Variants in KDM3B observed in about 807,000 individuals in gnomAD.
KDM3B encodes the protein lysine-specific demethylase 3B.
A neutral mutation model predicts 170.0 loss-of-function variants in KDM3B; 10 were observed. The observed-to-expected ratio is 0.06, with a 90% CI of 0.04 to 0.10. The LOEUF is 0.10. Among genes scored for constraint, KDM3B ranks in the 10% least tolerant of loss-of-function variants. The probability of loss-of-function intolerance (pLI) is 1.00; values close to 1 mark genes in which losing one functional copy is unlikely to be tolerated. For synonymous variants in KDM3B, 831 were observed against 834.8 expected (o/e 1.00, Z 0.08); for missense variants, 1,394 against 2,195.2 (o/e 0.64, Z 7.29).
chr5:138,405,625 G>A (rs1051911864), intron 11 of KDM3B, among the ~76,000 whole-genome samples: 6 of 152,122 alleles, frequency 3.9e-5, no homozygotes, highest in African/African-American at 1.4e-4. Context: ...TATTCAGGCA[G>A]AAGAAAATGA....
At chr5:138,357,802 C>T (rs1382733187) in intron 1 of KDM3B, among the ~76,000 whole-genome samples, 1 of 151,820 alleles carries the variant, frequency 6.6e-6, no homozygotes, top group Non-Finnish European at 1.5e-5. Context: ...TCACTGCAAC[C>T]TCTGCTTCCT....
intron 9 of KDM3B, among the ~76,000 whole-genome samples, chr5:138,393,912 T>C (rs1160603609): frequency 6.6e-6 from 1 of 152,092 alleles, no homozygotes; most frequent in Non-Finnish European, 1.5e-5. Context: ...GAGTGACCTT[T>C]CAAGAATCTT....
chr5:138,388,946 G>C (rs2126946613), intron 7 of KDM3B, among the ~76,000 whole-genome samples: 1 of 152,342 alleles, frequency 6.6e-6, no homozygotes, highest in South Asian at 2.1e-4. Context: ...CTTTTTATAA[G>C]AAAAGGATTT....
chr5:138,411,646 TTAGA>T (rs1237600276), intron 11 of KDM3B, among the ~76,000 whole-genome samples: 2 of 151,914 alleles, frequency 1.3e-5, no homozygotes, highest in African/African-American at 2.4e-5. Context: ...GAAATATTTC[TTAGA>T]TAGAACACAA....
intron 1 of KDM3B, 43 bp from the exon 2 acceptor site, chr5:138,372,631 T>G: frequency 6.4e-7 from 1 of 1,562,078 alleles, no homozygotes; most frequent in Non-Finnish European, 8.8e-7. Context: ...TAGTGTGAGA[T>G]TTTTCCAAGT....
rs900958839 is a variant in KDM3B, at chr5:138,427,024, C to T, written c.4461C>T (p.Asp1487=). The T allele has an allele frequency of 5.0e-6, 8 of 1,614,180 alleles. No homozygotes were observed. Among genetic ancestry groups the T allele is most frequent in the Non-Finnish European group, 6.8e-6 (8 of 1,180,002 alleles). ...DGQPMVLKLK[D]WPPGEDFRDM... ...AGCCAATGGTGCTCAAACTCAAGGA[C>T]TGGCCTCCTGGGGAAGATTTTCGAG... The change falls in exon 18 of 24, where the codon GAC becomes GAT. Residue 1487 remains aspartate, a synonymous_variant. Coordinates refer to ENST00000314358, the MANE Select transcript of KDM3B (RefSeq NM_016604.4).
At chr5:138,356,461 G>A (rs1470524166) in intron 1 of KDM3B, among the ~76,000 whole-genome samples, 2 of 151,886 alleles carry the variant, frequency 1.3e-5, no homozygotes, top group African/African-American at 2.4e-5. Flanking sequence ...ATGACTATTT[G>A]TCCTTTTTTT....
intron 1 of KDM3B, among the ~76,000 whole-genome samples, chr5:138,356,340 C>T (rs1033093232): frequency 1.3e-4 from 20 of 152,124 alleles, no homozygotes; most frequent in African/African-American, 4.6e-4. Flanking sequence ...TTCCTACTCC[C>T]ACCAACAGTA....
Position 138,386,282 on chromosome 5 carries a change from C to A in KDM3B, c.1041C>A (p.Val347=). 6.2e-7 allele frequency: 1 copy of A among 1,614,158 alleles called. No individual in the cohort carries two copies. The highest frequency in any genetic ancestry group is 8.5e-7 in the Non-Finnish European group (1 of 1,180,030). ...CCAAGCAGCCACCGTCTACATTTGT[C>A]CCCCAGATAAACCGCAACATTCGCT... The part of the protein sequence containing the change: ...QRAKQPPSTF[V]PQINRNIRFA... Residue 347 remains valine, a synonymous_variant, in exon 7 of 24, where the codon GTC becomes GTA. Coordinates refer to ENST00000314358, the MANE Select transcript of KDM3B (RefSeq NM_016604.4).
chr5:138,382,230 C>T (rs929067770), intron 6 of KDM3B, among the ~76,000 whole-genome samples: 2 of 151,952 alleles, frequency 1.3e-5, no homozygotes, highest in Non-Finnish European at 2.9e-5. Context: ...GGCGGATCAC[C>T]TGAGGTCAGG....
intron 11 of KDM3B, among the ~76,000 whole-genome samples, chr5:138,406,175 A>G (rs1440311556): frequency 6.6e-6 from 1 of 151,796 alleles, no homozygotes; most frequent in African/African-American, 2.4e-5. Flanking sequence ...CAAGACTCCC[A>G]TCTCTACAAA....
chr5:138,375,040 GC>G (rs1461424292), intron 2 of KDM3B, 52 bp from the exon 3 acceptor site: 1 of 904,640 alleles, frequency 1.1e-6, no homozygotes, highest in African/African-American at 1.7e-5. Context: ...TGTTTGAATT[GC>G]TGTTTTTTTA....
chr5:138,374,274 G>T, intron 2 of KDM3B: 1 of 441,782 alleles, frequency 2.3e-6, no homozygotes, highest in Non-Finnish European at 4.5e-6. Flanking sequence ...TGTTGTTGTT[G>T]TTGTTAAGAT....
intron 11 of KDM3B, among the ~76,000 whole-genome samples, chr5:138,406,527 G>C (rs1029650102): frequency 6.6e-6 from 1 of 152,042 alleles, no homozygotes; most frequent in Middle Eastern, 3.2e-3. Flanking sequence ...GGCACCTGTA[G>C]ACCTAGCTAC....
chr5:138,388,408 G>A (rs1234597436), intron 7 of KDM3B, among the ~76,000 whole-genome samples: 5 of 151,960 alleles, frequency 3.3e-5, no homozygotes, highest in Non-Finnish European at 5.9e-5. Context: ...CGAGGCGGGC[G>A]GATCACGAGG....
In KDM3B at chr5:138,427,908, C is replaced by G. The variant is rs1009128898; in HGVS notation, c.4634-59C>G. 2.0e-6 allele frequency: 3 copies of G among 1,535,044 alleles called. No individual in the cohort carries two copies. The Admixed American group carries it at 5.3e-5, about 27-fold the overall frequency. On this transcript the variant is annotated intron_variant, in intron 19 of 23. Transcript: ENST00000314358. The stretch of plus-strand genomic sequence containing the variant: ...TTGAGCATGTTTTCAGATGTAGTGT[C>G]GACGTGGATTCTTCCAAATATTGGC...
chr5:138,360,429 C>A (rs1379549660), intron 1 of KDM3B, among the ~76,000 whole-genome samples: 1 of 152,086 alleles, frequency 6.6e-6, no homozygotes, highest in Non-Finnish European at 1.5e-5. Context: ...TAACTCTCCC[C>A]TTACAGCATC....
intron 11 of KDM3B, among the ~76,000 whole-genome samples, chr5:138,401,882 G>A (rs1762702960): frequency 6.6e-6 from 1 of 151,818 alleles, no homozygotes; most frequent in South Asian, 2.1e-4. Flanking sequence ...ACGATGTTGA[G>A]TATCTTTCCA....
intron 20 of KDM3B, among the ~76,000 whole-genome samples, chr5:138,428,614 A>G (rs1763454267): frequency 6.6e-6 from 1 of 152,190 alleles, no homozygotes; most frequent in African/African-American, 2.4e-5. Context: ...GGGAGGTTCT[A>G]ATAGAGAAGA....
Sources: gnomAD v4.1 joint callset for allele counts (sites outside exome capture counted in the v4.1 genomes callset) on GRCh38, gnomAD v4.1.1 for gene constraint, MANE v1.5 for transcripts, NCBI Gene and HGNC (gene_info 2026-07-23, HGNC 2026-07-21) for gene names.